The following C20orf96 variants were observed in gnomAD, a reference collection of about 807,000 sequenced individuals.
C20orf96 encodes chromosome 20 open reading frame 96, also known as uncharacterized protein C20orf96.
Under a neutral mutation model 52.6 loss-of-function variants are expected in C20orf96, and 57 were observed. The observed-to-expected ratio is 1.08, with a 90% CI of 0.88 to 1.35. The LOEUF (loss-of-function observed/expected upper bound fraction) is 1.35. Ranked by LOEUF, C20orf96 falls within the 40% of genes most tolerant of loss-of-function variation. The pLI, the probability that C20orf96 is intolerant of heterozygous loss-of-function variation, is 0.00. For synonymous variants in C20orf96, 168 were observed against 157.2 expected, an observed-to-expected ratio of 1.07 and a Z score of -0.51; for missense variants, 478 against 443.6, an observed-to-expected ratio of 1.08 and a Z score of -0.70.
At chr20:281,515 G>A (rs1258481125) in intron 4 of C20orf96, among the ~76,000 whole-genome samples, 5 of 152,098 alleles carry the variant, frequency 3.3e-5, no homozygotes, top group African/African-American at 7.2e-5. Context: ...TACTAAAAAC[G>A]ACCCCTTCCT....
chr20:290,700 A>T lies in C20orf96; in HGVS notation c.-90T>A. ...TTTTCCAACTTCCTTGTCTCAGTGT[A>T]GATCGCGCGGTAACCCAGGCCACTC... On this transcript the variant is annotated 5_prime_UTR_variant, in exon 1 of 11. Transcript: ENST00000360321. The T allele has an allele frequency of 1.3e-6, 2 of 1,539,644 alleles. No homozygotes were observed. The highest frequency in any genetic ancestry group is 1.8e-5 in the Admixed American group (1 of 55,468).
Position 277,050 on chromosome 20 carries a change from CA to C in C20orf96, c.818del (p.Val273GlyfsTer24). On this transcript the variant is annotated frameshift_variant, in exon 8 of 11. Transcript: ENST00000360321. LOFTEE classifies it high-confidence loss of function. ...ACAGCAACTGGCTACTCACCGCCAC[CA>C]CAGAACTCAGAATTTTTTTCTTCTT... Reference protein sequence around the residue: ...QKKKKKILSSVVAETQRPYEE... With the variant: ...QKKKKKILSSXVAETQRPYEE... 6.2e-7 allele frequency: 1 copy of C among 1,613,566 alleles called. No individual in the cohort carries two copies. The highest frequency in any genetic ancestry group is 8.5e-7 in the Non-Finnish European group (1 of 1,179,692).
rs368143993 is a variant in C20orf96 at position 277,235 on chromosome 20, G to A, written c.714C>T (p.Asp238=). Residue 238 remains aspartate, a synonymous_variant, in exon 7 of 11, where the codon GAC becomes GAT. Coordinates refer to ENST00000360321, the MANE Select transcript of C20orf96 (RefSeq NM_153269.3). ...TLMRQLQQVK[D]SQQDELDDLG... ...GCAGGGGCTCCCCTACCTGCTGGCT[G>A]TCCTTAACCTGCTGCAGCTGGCGCA... 6.2e-7 allele frequency: 1 copy of A among 1,614,194 alleles called. No homozygotes were observed. The highest frequency in any genetic ancestry group is 1.3e-5 in the African/African-American group (1 of 75,052).
At chr20:283,761 G>A (rs2012310394) in intron 4 of C20orf96, among the ~76,000 whole-genome samples, 1 of 152,158 alleles carries the variant, frequency 6.6e-6, no homozygotes, top group Non-Finnish European at 1.5e-5. Flanking sequence ...CTGGCTGTGT[G>A]ACCTGGTGCA....
At chr20:279,380 T>TGA in intron 4 of C20orf96, 50 bp from the exon 5 acceptor site, 1 of 1,565,614 alleles carries the variant, frequency 6.4e-7, no homozygotes, top group Non-Finnish European at 8.6e-7. Context: ...CTGCCCGGCC[T>TGA]GAGCCCCCGA....
Position 290,579 on chromosome 20 carries a change from T to TTTTC in C20orf96, c.20+11_20+12insGAAA. 12 of 1,572,810 alleles carry TTTTC rather than the reference T, an allele frequency of 7.6e-6. No homozygotes were observed. Among genetic ancestry groups the TTTTC allele is most frequent in the Non-Finnish European group, 9.4e-6 (11 of 1,164,518 alleles). On this transcript the variant is annotated intron_variant, in intron 1 of 10. Transcript: ENST00000360321. ...TTTCTTCCAATTTTTTTTTTTTTTTTTTTTTACCTACTTTTGTAAGACATG... is the reference window on the plus strand; with the variant it reads ...TTTCTTCCAATTTTTTTTTTTTTTTTTTTCTTTTTACCTACTTTTGTAAGACATG...
intron 10 of C20orf96, 73 bp downstream of exon 10, chr20:275,895 C>A: frequency 1.4e-6 from 2 of 1,432,928 alleles, no homozygotes; most frequent in Non-Finnish European, 9.8e-7. Flanking sequence ...AGGCTGCCTT[C>A]CCCAAGAACA....
At chr20:287,928 AAAG>A (rs2012429397) in intron 3 of C20orf96, among the ~76,000 whole-genome samples, 1 of 150,456 alleles carries the variant, frequency 6.6e-6, no homozygotes, top group East Asian at 1.9e-4. Context: ...AAAAAAAAAA[AAAG>A]TCTTTCACAG....
chr20:275,062 C>T (rs1427607724), intron 10 of C20orf96, among the ~76,000 whole-genome samples: 2 of 152,224 alleles, frequency 1.3e-5, no homozygotes, highest in Non-Finnish European at 2.9e-5. Flanking sequence ...CGTGATCCAC[C>T]GGCCTTGGCC....
intron 3 of C20orf96, among the ~76,000 whole-genome samples, chr20:288,232 T>C (rs142243541): frequency 8.1e-5 from 11 of 135,168 alleles, no homozygotes; most frequent in African/African-American, 1.9e-4. Context: ...GCGCCACCCA[T>C]GGAAAAGGCT....
rs370868389 is a variant in C20orf96 at position 277,128 on chromosome 20, G to A, written c.741C>T (p.Leu247=). 1.4e-5 allele frequency: 22 copies of A among 1,613,728 alleles called. No homozygotes were observed. In the African/African-American group the frequency reaches 1.5e-4, roughly 11 times the overall value. ...KDSQQDELDD[L]GEMRRKVLES... ...CCAGGACCTTTCTGCGCATCTCACC[G>A]AGGTCATCCAGCTCATCCTGGGAGC... The change falls in exon 8 of 11, where the codon CTC becomes CTT. Residue 247 remains leucine (L), a synonymous_variant. Transcript: ENST00000360321.
At chr20:279,089 CGGGACGGAGGGACGGAGGGAGGGAGGGA>C in intron 5 of C20orf96, 55 bp downstream of exon 5, 3 of 569,220 alleles carry the variant, frequency 5.3e-6, no homozygotes, top group Non-Finnish European at 6.4e-6. Context: ...GGACGGAGGG[CGGGACGGAGGGACGGAGGGAGGGAGGGA>C]GGGACGGAGG....
In C20orf96 at chr20:276,085, A is replaced by C; in HGVS notation, c.914T>G (p.Ile305Ser). Residue 305 changes from isoleucine (I) to serine (S), a missense_variant and splice_region_variant, in exon 10 of 11, where the codon ATT (isoleucine) becomes AGT (serine). By Grantham distance (142) the Ile-to-Ser change is moderately radical (BLOSUM62 -2). Coordinates refer to ENST00000360321, the MANE Select transcript of C20orf96 (RefSeq NM_153269.3). ...CATGTTCTCCTCAAACTGGTCAATA[A>C]TCTGAGAGGAAAGGCACAGCAGGGG... ...FLKCMQRFRE[I>S]IDQFEENMPV... 6.2e-7 allele frequency: 1 copy of C among 1,613,910 alleles called. No homozygotes were observed. Among genetic ancestry groups the C allele is most frequent in the East Asian group, 2.2e-5 (1 of 44,874 alleles).
chr20:283,791 C>A (rs2012311285), intron 4 of C20orf96, among the ~76,000 whole-genome samples, 172 bp downstream of exon 4: 1 of 152,146 alleles, frequency 6.6e-6, no homozygotes, highest in South Asian at 2.1e-4. Flanking sequence ...TCTCCCTGCG[C>A]CTCAGTTTCC....
Position 270,899 on chromosome 20 carries a change from T to G in C20orf96, c.*308A>C. 1 of 376,304 alleles carries G rather than the reference T, an allele frequency of 2.7e-6. No individual in the cohort carries two copies. Among genetic ancestry groups the G allele is most frequent in the Non-Finnish European group, 4.8e-6 (1 of 209,250 alleles). 23.3% of individuals were successfully genotyped at this position (376,304 alleles called of 1,614,324 possible). Reference sequence around the variant, plus strand: ...TCCAGCTTTATTGGTAAAAAAGGAATAGCAGATTTAATCAGAAATTCCCAC... The same window carrying G: ...TCCAGCTTTATTGGTAAAAAAGGAAGAGCAGATTTAATCAGAAATTCCCAC... On this transcript the variant is annotated 3_prime_UTR_variant, in exon 11 of 11. Transcript: ENST00000360321.
rs975218187 is a variant in C20orf96 at position 270,969 on chromosome 20, A to G, written c.*238T>C. 1 of 515,152 alleles carries G rather than the reference A, an allele frequency of 1.9e-6. No homozygotes were observed. Among genetic ancestry groups the G allele is most frequent in the African/African-American group, 2.0e-5 (1 of 49,732 alleles). 31.9% of individuals were successfully genotyped at this position (515,152 alleles called of 1,614,324 possible). A position where few individuals can be genotyped will look rare whatever the true frequency, so the allele number is the denominator to read the frequency against. ...CAGAAAGAAGGGAAGAAGAGAGGAA[A>G]AAACCACAGGAAGAAAGAAAGGAGG... On this transcript the variant is annotated 3_prime_UTR_variant, in exon 11 of 11. Transcript: ENST00000360321.
intron 10 of C20orf96, among the ~76,000 whole-genome samples, chr20:275,366 G>T (rs1169850801): frequency 1.3e-5 from 2 of 152,148 alleles, no homozygotes; most frequent in Non-Finnish European, 2.9e-5. Context: ...AATGGCGATA[G>T]GAGAGGAGAA....
At chr20:277,481 A>T (rs2012070631) in intron 6 of C20orf96, 98 bp from the exon 7 acceptor site, 1 of 1,272,578 alleles carries the variant, frequency 7.9e-7, no homozygotes, top group Non-Finnish European at 1.1e-6. Flanking sequence ...CTCCTTGGCC[A>T]GTAACTGGGG....
At chr20:276,172 A>C (rs1020830316) in intron 9 of C20orf96, 86 bp from the exon 10 acceptor site, 11 of 1,600,262 alleles carry the variant, frequency 6.9e-6, no homozygotes, top group Non-Finnish European at 9.4e-6. Flanking sequence ...CGAGGAGCAA[A>C]GCTATCTGGG....
Sources: allele counts gnomAD v4.1 joint callset (sites outside exome capture counted in the v4.1 genomes callset), GRCh38; gene constraint gnomAD v4.1.1; transcripts MANE v1.5; gene names NCBI Gene and HGNC (gene_info 2026-07-23, HGNC 2026-07-21).